Variants in ELK3 observed in about 807,000 individuals in gnomAD.
ELK3 encodes ETS transcription factor ELK3, also known as ETS domain-containing protein Elk-3.
Under a neutral mutation model 28.9 loss-of-function variants are expected in ELK3, and 10 were observed. The observed-to-expected ratio is 0.35, with a 90% CI of 0.21 to 0.59. ELK3 has a LOEUF of 0.59. Ranked by LOEUF, ELK3 falls within the 20% of genes least tolerant of loss-of-function variation. ELK3 has a pLI of 0.82. For synonymous variants in ELK3, 272 were observed against 243.5 expected (o/e 1.12, Z -1.09); for missense variants, 463 against 517.3 (o/e 0.90, Z 1.02).
intron 2 of ELK3, among the ~76,000 whole-genome samples, chr12:96,227,171 C>T (rs1951708505): frequency 6.6e-6 from 1 of 151,974 alleles, no homozygotes; most frequent in African/African-American, 2.4e-5. Flanking sequence ...TCAAGCTGCC[C>T]TGAACCGCGT....
At position 96,259,756 on chromosome 12, in the gene ELK3, C is replaced by T. The variant is rs758120639; in HGVS notation, c.1028C>T (p.Pro343Leu). The stretch of plus-strand genomic sequence containing the variant: ...ACACCAAATGGATTGCTTCTGACTC[C>T]GAGTCCACTGCTCTCCAGCATACAT... ...AQTPNGLLLT[P>L]SPLLSSIHFW... is the part of the protein sequence containing the mutation. Residue 343 changes from proline to leucine, a missense_variant, in exon 4 of 5, where the codon CCG (proline) becomes CTG (leucine). Pro to Leu is a moderately conservative substitution (Grantham distance 98). Coordinates refer to ENST00000228741, the MANE Select transcript of ELK3 (RefSeq NM_005230.4). The T allele has an allele frequency of 2.2e-5, 36 of 1,610,288 alleles. No homozygotes were observed. In the South Asian group the frequency reaches 2.9e-4, roughly 13 times the overall value.
At position 96,194,514 on chromosome 12, in the gene ELK3, C is replaced by T. The variant is rs1057216099; in HGVS notation, c.-194C>T. 9.3e-5 allele frequency: 14 copies of T among 150,770 alleles called. No individual in the cohort carries two copies. Among genetic ancestry groups the T allele is most frequent in the African/African-American group, 3.4e-4 (14 of 41,198 alleles). 9.3% of individuals were successfully genotyped at this position (150,770 alleles called of 1,614,324 possible). ...GTGAGCCGGCTCGGCCTGACTGCTC[C>T]AACTTCCTGCTCTCACACACACCAG... On this transcript the variant is annotated 5_prime_UTR_variant, in exon 1 of 5. Coordinates refer to ENST00000228741, the MANE Select transcript of ELK3 (RefSeq NM_005230.4).
chr12:96,255,989 G>T (rs1420134068), intron 3 of ELK3, among the ~76,000 whole-genome samples: 9 of 132,542 alleles, frequency 6.8e-5, no homozygotes, highest in Non-Finnish European at 1.4e-4. Context: ...TGTGAACCCA[G>T]ATTATGGGGA....
intron 1 of ELK3, among the ~76,000 whole-genome samples, chr12:96,206,311 TTTTA>T (rs1309244912): frequency 2.0e-5 from 3 of 152,052 alleles, no homozygotes; most frequent in Admixed American, 1.3e-4. Context: ...TCTCTTTCCC[TTTTA>T]TTTATTTATT....
At chr12:96,200,855 C>G (rs1441032794) in intron 1 of ELK3, among the ~76,000 whole-genome samples, 1 of 151,856 alleles carries the variant, frequency 6.6e-6, no homozygotes, top group Non-Finnish European at 1.5e-5. Flanking sequence ...TAGAGACGGG[C>G]TTTTGCCATA....
chr12:96,210,558 GGC>G (rs751761668), intron 1 of ELK3, among the ~76,000 whole-genome samples: 2,349 of 62,042 alleles, frequency 0.038, 32 homozygotes, highest in Non-Finnish European at 0.045. Context: ...CCTGCGCGCG[GGC>G]GCACGCACAC....
rs1276599076 is a variant in ELK3 at position 96,267,633 on chromosome 12, A to G, written c.*453A>G. 6.5e-6 allele frequency: 1 copy of G among 152,964 alleles called. No individual in the cohort carries two copies. The highest frequency in any genetic ancestry group is 1.5e-5 in the Non-Finnish European group (1 of 68,260). 9.5% of individuals were successfully genotyped at this position (152,964 alleles called of 1,614,324 possible). On this transcript the variant is annotated 3_prime_UTR_variant, in exon 5 of 5. Transcript: ENST00000228741. ...AGTATTAAGAGGAAATGTTTGAAAG[A>G]TGAAAATTAGTATCAAACAGCTCTC...
intron 4 of ELK3, 39 bp from the exon 5 acceptor site, chr12:96,267,043 T>C (rs200030631): frequency 1.3e-6 from 2 of 1,563,846 alleles, no homozygotes; most frequent in Non-Finnish European, 1.7e-6. Context: ...TCCCAATGGA[T>C]TTGCAATAAT....
intron 1 of ELK3, among the ~76,000 whole-genome samples, chr12:96,220,313 C>T (rs1951652827): frequency 6.6e-6 from 1 of 151,926 alleles, no homozygotes; most frequent in African/African-American, 2.4e-5. Flanking sequence ...GCCACTTAGC[C>T]CATGTGTGGC....
At chr12:96,236,696 C>G (rs75969308) in intron 2 of ELK3, among the ~76,000 whole-genome samples, 1 of 152,194 alleles carries the variant, frequency 6.6e-6, no homozygotes, top group African/African-American at 2.4e-5. Flanking sequence ...AGTTGCACCC[C>G]AGTGGCGGCC....
At chr12:96,256,279 A>G (rs1395239025) in intron 3 of ELK3, among the ~76,000 whole-genome samples, 3 of 152,114 alleles carry the variant, frequency 2.0e-5, no homozygotes, top group Non-Finnish European at 4.4e-5. Flanking sequence ...ATCGGAAGGC[A>G]TTTTGCATGG....
chr12:96,215,185 C>T (rs955715425), intron 1 of ELK3, among the ~76,000 whole-genome samples: 3 of 151,952 alleles, frequency 2.0e-5, no homozygotes, highest in Non-Finnish European at 2.9e-5. Context: ...AATTCTGCCC[C>T]CTCAACTCCC....
At chr12:96,212,804 G>A (rs1162729485) in intron 1 of ELK3, 2 of 152,170 alleles carry the variant, frequency 1.3e-5, no homozygotes, top group African/African-American at 2.4e-5. Flanking sequence ...CCACGTGGCG[G>A]GATACAGGAC....
intron 2 of ELK3, among the ~76,000 whole-genome samples, chr12:96,225,681 G>A (rs1289900273): frequency 1.3e-5 from 2 of 152,158 alleles, no homozygotes; most frequent in Non-Finnish European, 1.5e-5. Context: ...AGCAGAGCCC[G>A]GATTTGAACC....
chr12:96,250,287 A>G (rs1592688105), intron 3 of ELK3, among the ~76,000 whole-genome samples: 1 of 152,100 alleles, frequency 6.6e-6, no homozygotes, highest in African/African-American at 2.4e-5. Context: ...AGGGAGGGAG[A>G]GAAGGGGCAA....
intron 2 of ELK3, 82 bp from the exon 3 acceptor site, chr12:96,246,858 A>G: frequency 1.4e-6 from 2 of 1,413,722 alleles, no homozygotes; most frequent in Non-Finnish European, 1.9e-6. Flanking sequence ...TGCTTCTGCC[A>G]GCGACATTTA....
chr12:96,203,117 G>A (rs960406711), intron 1 of ELK3, among the ~76,000 whole-genome samples: 12 of 151,172 alleles, frequency 7.9e-5, no homozygotes, highest in African/African-American at 2.9e-4. Flanking sequence ...TCCTGACCTC[G>A]TGATCCACCC....
Position 96,229,654 on chromosome 12 carries a change from C to G in ELK3, c.207+5881C>G, listed in dbSNP as rs192812801. On this transcript the variant is annotated intron_variant, in intron 2 of 4. Transcript: ENST00000228741. The stretch of plus-strand genomic sequence containing the variant: ...TCAAGGGAGTCTCCTGCCTCAGCCT[C>G]CTGAGTAGCTGGGACTACAGGCATG... Among the ~76,000 whole-genome samples the G allele has an allele frequency of 4.6e-3, 694 of 150,646 alleles. 3 individuals carry two copies. Among genetic ancestry groups the G allele is most frequent in the African/African-American group, 0.015 (613 of 40,990 alleles).
intron 1 of ELK3, among the ~76,000 whole-genome samples, chr12:96,218,899 C>T (rs1222365237): frequency 3.9e-5 from 6 of 152,128 alleles, no homozygotes; most frequent in Non-Finnish European, 5.9e-5. Context: ...CCGCCCGCCT[C>T]GGCCTCGCAA....
Sources: gnomAD v4.1 joint callset for allele counts (sites outside exome capture counted in the v4.1 genomes callset) on GRCh38, gnomAD v4.1.1 for gene constraint, MANE v1.5 for transcripts, NCBI Gene and HGNC (gene_info 2026-07-23, HGNC 2026-07-21) for gene names.